PIK3R6: variants seen among roughly 807,000 people sequenced by gnomAD.
PIK3R6 encodes the protein phosphoinositide-3-kinase regulatory subunit 6.
A neutral mutation model predicts 84.9 loss-of-function variants in PIK3R6; 91 were observed. That is an observed-to-expected ratio of 1.07 (90% CI 0.90 to 1.28). The LOEUF is 1.28. PIK3R6 is among the 50% of genes most tolerant of loss of function. The pLI is 0.00. For missense variants in PIK3R6, 996 were observed against 985.1 expected (o/e 1.01, Z -0.15); for synonymous variants, 416 against 411.4 (o/e 1.01, Z -0.13).
intron 2 of PIK3R6, among the ~76,000 whole-genome samples, chr17:8,848,303 A>T (rs892656134): frequency 1.3e-5 from 2 of 152,204 alleles, no homozygotes; most frequent in African/African-American, 4.8e-5. Context: ...TTTTCCTAAA[A>T]GACAGCATGG....
chr17:8,851,429 G>A (rs1474365415), intron 1 of PIK3R6, among the ~76,000 whole-genome samples: 3 of 152,224 alleles, frequency 2.0e-5, no homozygotes, highest in East Asian at 1.9e-4. Flanking sequence ...CCCGGGAGGC[G>A]GAGCTTGCAG....
At chr17:8,861,547 C>T (rs1375414777) in intron 1 of PIK3R6, among the ~76,000 whole-genome samples, 1 of 152,194 alleles carries the variant, frequency 6.6e-6, no homozygotes, top group African/African-American at 2.4e-5. Context: ...AACCTCTCAC[C>T]GTTCTGGTCT....
chr17:8,807,300 C>T (rs1255041291), intron 18 of PIK3R6, among the ~76,000 whole-genome samples: 1 of 152,178 alleles, frequency 6.6e-6, no homozygotes, highest in Non-Finnish European at 1.5e-5. Context: ...ACTCAACAAA[C>T]ATCCGGTGAG....
At chr17:8,808,039 G>C (rs971282321) in intron 18 of PIK3R6, among the ~76,000 whole-genome samples, 1 of 152,068 alleles carries the variant, frequency 6.6e-6, no homozygotes, top group Non-Finnish European at 1.5e-5. Context: ...GAATAGAGAG[G>C]ACAAAGAAGG....
chr17:8,817,135 C>A (rs960434528), intron 18 of PIK3R6, among the ~76,000 whole-genome samples: 2 of 152,050 alleles, frequency 1.3e-5, no homozygotes, highest in Non-Finnish European at 2.9e-5. Flanking sequence ...ATTTACAAGG[C>A]TTTAGTATAT....
chr17:8,803,647 G>T lies in PIK3R6; in HGVS notation c.2109-218C>A, dbSNP rs148774347. ...AGACACTTGGAGCAAGTAACTCTGCGCATGCCTCCCTTACCCAAACACACC... is the reference window on the plus strand; with the variant it reads ...AGACACTTGGAGCAAGTAACTCTGCTCATGCCTCCCTTACCCAAACACACC... On this transcript the variant is annotated intron_variant, in intron 19 of 19. Coordinates refer to ENST00000619866, the MANE Select transcript of PIK3R6 (RefSeq NM_001010855.4). This position sits in a 1 kb window ranked among gnomAD's most constrained non-coding sequence, Gnocchi z 5.0. 292 of 569,250 alleles carry T rather than the reference G, an allele frequency of 5.1e-4. No homozygotes were observed. Among genetic ancestry groups the T allele is most frequent in the Admixed American group, 1.2e-3 (37 of 29,930 alleles). The allele number at this position is 569,250 out of a possible 1,614,324, so 35.3% of individuals were successfully genotyped here.
intron 18 of PIK3R6, among the ~76,000 whole-genome samples, chr17:8,815,764 C>A (rs544030996): frequency 3.9e-5 from 6 of 152,254 alleles, no homozygotes; most frequent in South Asian, 4.1e-4. Flanking sequence ...AAGACACAAA[C>A]AGACAAACAA....
chr17:8,851,364 T>C (rs149721), intron 1 of PIK3R6, among the ~76,000 whole-genome samples: 82,953 of 151,660 alleles, frequency 0.55, 23,446 homozygotes, highest in African/African-American at 0.59. Context: ...GGCGTGGTGG[T>C]GGGCGCCTGT....
At chr17:8,819,248 G>A in intron 17 of PIK3R6, 50 bp from the exon 18 acceptor site, 1 of 1,363,776 alleles carries the variant, frequency 7.3e-7, no homozygotes, top group Non-Finnish European at 1.0e-6. Context: ...AAGTAGGGGA[G>A]TTTGATATTC....
intron 18 of PIK3R6, among the ~76,000 whole-genome samples, chr17:8,807,157 C>T (rs1457321598): frequency 2.0e-5 from 3 of 152,140 alleles, no homozygotes; most frequent in Non-Finnish European, 4.4e-5. Flanking sequence ...TTGCCCTATA[C>T]GAAGACAGAT....
At chr17:8,831,833 C>A (rs1454403771) in intron 9 of PIK3R6, among the ~76,000 whole-genome samples, 2 of 152,242 alleles carry the variant, frequency 1.3e-5, no homozygotes, top group Non-Finnish European at 2.9e-5. Flanking sequence ...CAAATCAGAA[C>A]CATCCTACAA....
At chr17:8,819,378 A>C (rs979391077) in intron 17 of PIK3R6, among the ~76,000 whole-genome samples, 180 bp from the exon 18 acceptor site, 1 of 151,818 alleles carries the variant, frequency 6.6e-6, no homozygotes, top group African/African-American at 2.4e-5. Context: ...TCAATCATCC[A>C]TCTTCCTTCC....
In PIK3R6 at chr17:8,811,276, C is replaced by T. The variant is rs527937436; in HGVS notation, c.1996-7123G>A. Among the ~76,000 whole-genome samples, 976 of 148,500 alleles carry T rather than the reference C, an allele frequency of 6.6e-3. 113 individuals are homozygous for T. Among genetic ancestry groups the T allele is most frequent in the African/African-American group, 0.023 (901 of 39,884 alleles). The stretch of plus-strand genomic sequence containing the variant: ...CCAAGTCTCTAGGCTGCACACAGCA[C>T]GGGTACCCTGGGCCCAGCCCATGAA... On this transcript the variant is annotated intron_variant, in intron 18 of 19. Transcript: ENST00000619866.
rs766688817 is a variant in PIK3R6, at chr17:8,836,837, G to A, written c.345C>T (p.Val115=). 31 of 1,596,140 alleles carry A rather than the reference G, an allele frequency of 1.9e-5. No homozygotes were observed. Among genetic ancestry groups the A allele is most frequent in the Admixed American group, 7.0e-5 (4 of 56,878 alleles). Residue 115 remains valine (V), a synonymous_variant, in exon 6 of 20, where the codon GTC becomes GTT. Transcript: ENST00000619866. ...LLTLPTPYCT[V]ALDCAIRLKT... ...TCAGCCTTATCGCGCAGTCCAAGGC[G>A]ACTGTGCAGTAGGGGGTGGGCAGGG...
chr17:8,839,878 G>A lies in PIK3R6; in HGVS notation c.14-181C>T, dbSNP rs909573022. 7.2e-5 allele frequency among the ~76,000 whole-genome samples: 11 copies of A among 152,266 alleles called. No individual in the cohort carries two copies. The highest frequency in any genetic ancestry group is 2.1e-4 in the South Asian group (1 of 4,826). On this transcript the variant is annotated intron_variant, in intron 2 of 19. Transcript: ENST00000619866. This position sits in a 1 kb window ranked among gnomAD's most constrained non-coding sequence, Gnocchi z 4.2. The stretch of plus-strand genomic sequence containing the variant: ...GCTGGAATATAGCCTTCCCTTCCAC[G>A]TTTCTGTGTTCTTTGTAAAACCTGC...
intron 10 of PIK3R6, among the ~76,000 whole-genome samples, chr17:8,829,274 G>GAC (rs201435016): frequency 3.3e-4 from 47 of 141,902 alleles, no homozygotes; most frequent in African/African-American, 9.1e-4. Flanking sequence ...CAGACACACT[G>GAC]ACACACACAC....
At chr17:8,848,275 C>G (rs1179063800) in intron 2 of PIK3R6, among the ~76,000 whole-genome samples, 1 of 152,184 alleles carries the variant, frequency 6.6e-6, no homozygotes, top group Non-Finnish European at 1.5e-5. Context: ...ATATAATAAA[C>G]CTTTATTGGT....
intron 1 of PIK3R6, among the ~76,000 whole-genome samples, chr17:8,867,073 C>T (rs758603097): frequency 6.6e-6 from 1 of 152,200 alleles, no homozygotes; most frequent in African/African-American, 2.4e-5. Flanking sequence ...TGCTAACCCA[C>T]TCTGCAATCT....
chr17:8,867,528 C>T lies in PIK3R6; in HGVS notation c.-92+1G>A. On this transcript the variant is annotated splice_donor_variant, in intron 1 of 19. Coordinates refer to ENST00000619866, the MANE Select transcript of PIK3R6 (RefSeq NM_001010855.4). LOFTEE classifies it low-confidence loss of function (5UTR_SPLICE). ...CGATCTCCATCCAAGCCAGCACTTACCTTGGTTCGGTGGCAGCTTCTGGGC... is the reference window on the plus strand; with the variant it reads ...CGATCTCCATCCAAGCCAGCACTTATCTTGGTTCGGTGGCAGCTTCTGGGC... 2.1e-6 allele frequency: 1 copy of T among 482,674 alleles called. No homozygotes were observed. Among genetic ancestry groups the T allele is most frequent in the Middle Eastern group, 3.4e-4 (1 of 2,962 alleles). The allele number at this position is 482,674 out of a possible 1,614,324, so 29.9% of individuals were successfully genotyped here. A position where few individuals can be genotyped will look rare whatever the true frequency, so the allele number is the denominator to read the frequency against.
Sources: allele counts gnomAD v4.1 joint callset (sites outside exome capture counted in the v4.1 genomes callset), GRCh38; gene constraint gnomAD v4.1.1; non-coding constraint Gnocchi (gnomAD v3.1); transcripts MANE v1.5; gene names NCBI Gene and HGNC (gene_info 2026-07-23, HGNC 2026-07-21).